Variants in ABLIM2 observed in about 807,000 individuals in gnomAD.
ABLIM2 encodes the protein actin binding LIM protein family member 2.
In ABLIM2, 53 loss-of-function variants were observed where a neutral mutation model predicts 97.7. That is an observed-to-expected ratio of 0.54 (90% CI 0.44 to 0.68). ABLIM2 has a LOEUF of 0.68. Ranked by LOEUF, ABLIM2 falls within the 30% of genes least tolerant of loss-of-function variation. ABLIM2 has a pLI of 0.00. For missense variants in ABLIM2, 835 were observed against 867.2 expected, an observed-to-expected ratio of 0.96 and a Z score of 0.47; for synonymous variants, 361 against 345.8, an observed-to-expected ratio of 1.04 and a Z score of -0.49.
intron 1 of ABLIM2, among the ~76,000 whole-genome samples, chr4:8,136,462 A>T (rs1850217071): frequency 6.6e-6 from 1 of 152,224 alleles, no homozygotes; most frequent in South Asian, 2.1e-4. Context: ...CCACTGTTTT[A>T]AAAAATGATG....
At position 8,044,204 on chromosome 4, in the gene ABLIM2, G is replaced by A. The variant is rs1026286237; in HGVS notation, c.900+960C>T. 1.3e-5 allele frequency among the ~76,000 whole-genome samples: 2 copies of A among 152,158 alleles called. No individual in the cohort carries two copies. Among genetic ancestry groups the A allele is most frequent in the East Asian group, 1.9e-4 (1 of 5,186 alleles). On this transcript the variant is annotated intron_variant, in intron 9 of 20. Transcript: ENST00000447017. The surrounding 1 kb of genome is among the most constrained non-coding windows in gnomAD (Gnocchi z 4.4). ...GTGGATCCAGCCTCCGCTGAGGCAT[G>A]AAGAACCCAGGTCCTGGCCTGGCGG...
Position 8,023,747 on chromosome 4 carries a change from G to C in ABLIM2, c.1268-3444C>G, listed in dbSNP as rs912467127. On this transcript the variant is annotated intron_variant, in intron 12 of 20. Transcript: ENST00000447017. This position sits in a 1 kb window ranked among gnomAD's most constrained non-coding sequence, Gnocchi z 5.7. ...GGAATTCCTCTGTGTGGGAGATCTC[G>C]CTTTCTCTCCATTTATTTGTTTACT... Among the ~76,000 whole-genome samples the C allele has an allele frequency of 6.6e-6, 1 of 152,170 alleles. No individual in the cohort carries two copies. The highest frequency in any genetic ancestry group is 1.5e-5 in the Non-Finnish European group (1 of 68,034).
chr4:8,153,645 A>T (rs1366488090), intron 1 of ABLIM2, among the ~76,000 whole-genome samples: 1 of 152,214 alleles, frequency 6.6e-6, no homozygotes, highest in East Asian at 1.9e-4. Context: ...CACGCAGCAG[A>T]TAGTGGCCCT....
rs371838702 is a variant in ABLIM2 at position 8,085,597 on chromosome 4, C to T, written c.454+2572G>A. ...CACGCTGCAGCCCCGTCCACTCACG[C>T]GGGTCTGGGGGGTGCCCACGCTGCA... On this transcript the variant is annotated intron_variant, in intron 4 of 20. Coordinates refer to ENST00000447017, the MANE Select transcript of ABLIM2 (RefSeq NM_001130083.2). This position sits in a 1 kb window ranked among gnomAD's most constrained non-coding sequence, Gnocchi z 6.1. Among the ~76,000 whole-genome samples, 137 of 144,582 alleles carry T rather than the reference C, an allele frequency of 9.5e-4. No homozygotes were observed. The highest frequency in any genetic ancestry group is 9.3e-3 in the East Asian group (45 of 4,842). The allele number at this position is 144,582 out of a possible 152,430, so 94.9% of individuals were successfully genotyped here.
chr4:8,135,999 G>A (rs1393156795), intron 1 of ABLIM2, among the ~76,000 whole-genome samples: 2 of 152,222 alleles, frequency 1.3e-5, no homozygotes, highest in Non-Finnish European at 2.9e-5. Context: ...TTGTGCAAGT[G>A]CTCACCCACA....
intron 9 of ABLIM2, among the ~76,000 whole-genome samples, chr4:8,040,342 G>A (rs1400211651): frequency 6.6e-6 from 1 of 152,170 alleles, no homozygotes; most frequent in Admixed American, 6.5e-5. Context: ...CAGGCGCAGT[G>A]GCTCACACCT....
rs1831277204 is a variant in ABLIM2, at chr4:8,095,803, C to T, written c.338+1296G>A. Among the ~76,000 whole-genome samples, 2 of 152,188 alleles carry T rather than the reference C, an allele frequency of 1.3e-5. No individual in the cohort carries two copies. The highest frequency in any genetic ancestry group is 1.3e-4 in the Admixed American group (2 of 15,280). On this transcript the variant is annotated intron_variant, in intron 3 of 20. Coordinates refer to ENST00000447017, the MANE Select transcript of ABLIM2 (RefSeq NM_001130083.2). This position sits in a 1 kb window ranked among gnomAD's most constrained non-coding sequence, Gnocchi z 4.7. ...CCTTTTGGTGTCCACACTGCATGCC[C>T]TGGGGTTCGACGAGGAATCTCTGCC...
intron 18 of ABLIM2, among the ~76,000 whole-genome samples, chr4:7,984,343 C>T (rs953077842): frequency 2.6e-5 from 4 of 152,218 alleles, no homozygotes; most frequent in African/African-American, 4.8e-5. Context: ...CCGCCACTCG[C>T]GGGCACAGAG....
intron 8 of ABLIM2, among the ~76,000 whole-genome samples, chr4:8,049,564 C>T (rs1268206118): frequency 6.6e-6 from 1 of 152,166 alleles, no homozygotes; most frequent in Non-Finnish European, 1.5e-5. Flanking sequence ...AGCTCACCAG[C>T]ATTTAACATC....
chr4:8,129,764 C>A (rs1355765128), intron 1 of ABLIM2, among the ~76,000 whole-genome samples: 1 of 152,186 alleles, frequency 6.6e-6, no homozygotes, highest in Admixed American at 6.5e-5. Context: ...GGCTCTGGGG[C>A]CCTGGGAGGG....
intron 9 of ABLIM2, among the ~76,000 whole-genome samples, chr4:8,039,111 GC>G (rs1365930666): frequency 3.3e-5 from 5 of 152,166 alleles, no homozygotes; most frequent in African/African-American, 9.7e-5. Context: ...GCTCCTAGAG[GC>G]CCAGGATTCA....
chr4:8,042,339 A>G (rs1001485582), intron 9 of ABLIM2, among the ~76,000 whole-genome samples: 3 of 152,194 alleles, frequency 2.0e-5, no homozygotes, highest in African/African-American at 7.2e-5. Context: ...CAACCTGGCC[A>G]TGGAGCCATT....
intron 16 of ABLIM2, among the ~76,000 whole-genome samples, chr4:8,000,718 G>A (rs1051286149): frequency 2.0e-5 from 3 of 152,144 alleles, no homozygotes; most frequent in Non-Finnish European, 4.4e-5. Flanking sequence ...CGGAGGCTTT[G>A]GGAAGATGCG....
chr4:8,033,054 C>G lies in ABLIM2; in HGVS notation c.1047+3095G>C, dbSNP rs187711031. 8.1e-4 allele frequency among the ~76,000 whole-genome samples: 123 copies of G among 152,312 alleles called. No individual in the cohort carries two copies. The highest frequency in any genetic ancestry group is 2.9e-3 in the African/African-American group (120 of 41,566). On this transcript the variant is annotated intron_variant, in intron 10 of 20. Transcript: ENST00000447017. The surrounding 1 kb of genome is among the most constrained non-coding windows in gnomAD (Gnocchi z 4.5). The stretch of plus-strand genomic sequence containing the variant: ...CCTGAGGGCCCATCACCTCGGTTTT[C>G]TCTGGACAAGAGAGAAAAGGTGCTC...
At chr4:8,135,374 C>T (rs988938785) in intron 1 of ABLIM2, among the ~76,000 whole-genome samples, 13 of 152,344 alleles carry the variant, frequency 8.5e-5, no homozygotes, top group Admixed American at 5.9e-4. Context: ...TGAATGCCTG[C>T]GTTCCCCAAA....
At chr4:8,091,134 C>A (rs930212654) in intron 3 of ABLIM2, among the ~76,000 whole-genome samples, 1 of 150,018 alleles carries the variant, frequency 6.7e-6, no homozygotes, top group Non-Finnish European at 1.5e-5. Flanking sequence ...CTCACCAGCA[C>A]TTGCCATGGT....
chr4:8,082,351 C>T lies in ABLIM2; in HGVS notation c.455-1549G>A, dbSNP rs1469447016. 6.6e-6 allele frequency among the ~76,000 whole-genome samples: 1 copy of T among 152,188 alleles called. No homozygotes were observed. Among genetic ancestry groups the T allele is most frequent in the Non-Finnish European group, 1.5e-5 (1 of 68,040 alleles). On this transcript the variant is annotated intron_variant, in intron 4 of 20. Coordinates refer to ENST00000447017, the MANE Select transcript of ABLIM2 (RefSeq NM_001130083.2). This position sits in a 1 kb window ranked among gnomAD's most constrained non-coding sequence, Gnocchi z 5.6. ...TCGTGGGGTGGGGTGATCACCTCCT[C>T]ACTTGGTGCCTGCCCGGATCCAGTG...
Position 8,004,021 on chromosome 4 carries a change from G to A in ABLIM2, c.1618+4038C>T, listed in dbSNP as rs766434771. ...TTCCTTCGACCACGGACTAAGGAAC[G>A]CGAGAAGAACTCTTCTGCCCCATCT... On this transcript the variant is annotated intron_variant, in intron 16 of 20. Coordinates refer to ENST00000447017, the MANE Select transcript of ABLIM2 (RefSeq NM_001130083.2). This position sits in a 1 kb window ranked among gnomAD's most constrained non-coding sequence, Gnocchi z 5.9. 2.4e-4 allele frequency among the ~76,000 whole-genome samples: 37 copies of A among 152,092 alleles called. No homozygotes were observed. Among genetic ancestry groups the A allele is most frequent in the Non-Finnish European group, 4.3e-4 (29 of 68,032 alleles).
In ABLIM2 at chr4:8,054,371, C is replaced by A; in HGVS notation, c.764-125G>T. The A allele has an allele frequency of 2.0e-6, 2 of 983,956 alleles. No individual in the cohort carries two copies. The highest frequency in any genetic ancestry group is 3.1e-6 in the Non-Finnish European group (2 of 644,142). 61.0% of individuals were successfully genotyped at this position (983,956 alleles called of 1,614,324 possible). ...GTGCACTCGGACTCCACCCTCCAAG[C>A]GGCCCTGAGCATCCTCTCTGTGCTG... On this transcript the variant is annotated intron_variant, in intron 7 of 20. Coordinates refer to ENST00000447017, the MANE Select transcript of ABLIM2 (RefSeq NM_001130083.2). This position sits in a 1 kb window ranked among gnomAD's most constrained non-coding sequence, Gnocchi z 4.9.
Sources: gnomAD v4.1 joint callset for allele counts (sites outside exome capture counted in the v4.1 genomes callset) on GRCh38, gnomAD v4.1.1 for gene constraint, Gnocchi (gnomAD v3.1) non-coding constraint, MANE v1.5 for transcripts, NCBI Gene and HGNC (gene_info 2026-07-23, HGNC 2026-07-21) for gene names.